The following XYLT1 variants were observed in gnomAD, a reference collection of about 807,000 sequenced individuals.
XYLT1 encodes xylosyltransferase 1, also known as beta-D-xylosyltransferase 1.
In XYLT1, 36 loss-of-function variants were observed where a neutral mutation model predicts 91.3. The observed-to-expected ratio is 0.39, with a 90% CI of 0.30 to 0.52. The LOEUF (loss-of-function observed/expected upper bound fraction) is 0.52, where lower values mean the gene tolerates loss of function less well. XYLT1 is among the 20% of genes least tolerant of loss of function. XYLT1 has a pLI of 0.68. For synonymous variants in XYLT1, 588 were observed against 532.0 expected, an observed-to-expected ratio of 1.11 and a Z score of -1.45; for missense variants, 1,242 against 1,284.5, an observed-to-expected ratio of 0.97 and a Z score of 0.51.
intron 10 of XYLT1, among the ~76,000 whole-genome samples, chr16:17,120,861 G>A (rs1054439259): frequency 1.3e-5 from 2 of 152,078 alleles, no homozygotes; most frequent in Non-Finnish European, 2.9e-5. Context: ...TCTATTGATC[G>A]ATCAATGATC....
intron 2 of XYLT1, among the ~76,000 whole-genome samples, chr16:17,290,404 G>T (rs1005941277): frequency 6.6e-6 from 1 of 152,188 alleles, no homozygotes; most frequent in East Asian, 1.9e-4. Flanking sequence ...CCTCAGTCCC[G>T]GGACCTGGCA....
At chr16:17,141,444 A>G (rs547149496) in intron 6 of XYLT1, 75 bp from the exon 7 acceptor site, 1 of 1,437,058 alleles carries the variant, frequency 7.0e-7, no homozygotes, top group Admixed American at 1.9e-5. Flanking sequence ...CAAATAAAAC[A>G]ACACAATCAT....
intron 5 of XYLT1, among the ~76,000 whole-genome samples, chr16:17,191,194 T>A (rs1251772649): frequency 6.6e-6 from 1 of 152,198 alleles, no homozygotes; most frequent in Non-Finnish European, 1.5e-5. Context: ...CCCTCAGACA[T>A]CCCTGAATTG....
In XYLT1 at chr16:17,259,093, G is replaced by A. The variant is rs758139451; in HGVS notation, c.808C>T (p.Arg270Cys). 1.3e-6 allele frequency: 2 copies of A among 1,551,524 alleles called. No homozygotes were observed. The highest frequency in any genetic ancestry group is 2.0e-5 in the Admixed American group (1 of 49,302). ...SGKEAISALS[R>C]AKSKHCRQEI... The stretch of plus-strand genomic sequence containing the variant: ...TGGCGGCAGTGCTTGGACTTAGCAC[G>A]GGACAGGGCAGAGATGGCCTCCTTG... Residue 270 changes from arginine (R) to cysteine (C), a missense_variant, in exon 3 of 12, where the codon CGT (arginine) becomes TGT (cysteine). Around this residue, in one of 3 missense-constraint regions of XYLT1, gnomAD observed 437 missense variants for 411.5 expected, o/e 1.06. Transcript: ENST00000261381.
intron 5 of XYLT1, among the ~76,000 whole-genome samples, chr16:17,170,465 CG>C (rs1456266877): frequency 6.6e-6 from 1 of 152,164 alleles, no homozygotes; most frequent in Non-Finnish European, 1.5e-5. Flanking sequence ...CTGTAGCCCA[CG>C]GAAACTGCTC....
intron 1 of XYLT1, among the ~76,000 whole-genome samples, chr16:17,429,101 C>T (rs2036356008): frequency 6.6e-6 from 1 of 152,196 alleles, no homozygotes; most frequent in African/African-American, 2.4e-5. Context: ...TCTCACTCTA[C>T]CTCTGCAGGG....
chr16:17,280,566 G>C (rs1020346203), intron 2 of XYLT1, among the ~76,000 whole-genome samples: 1 of 152,122 alleles, frequency 6.6e-6, no homozygotes, highest in African/African-American at 2.4e-5. Flanking sequence ...ATTTTGTTAT[G>C]TTTTATTCAA....
intron 6 of XYLT1, among the ~76,000 whole-genome samples, chr16:17,142,973 C>T (rs372400579): frequency 3.9e-5 from 6 of 152,094 alleles, no homozygotes; most frequent in African/African-American, 1.4e-4. Context: ...CTGAATTTTT[C>T]CCATGAACCC....
chr16:17,350,402 A>G (rs1476236059), intron 2 of XYLT1, among the ~76,000 whole-genome samples: 2 of 152,224 alleles, frequency 1.3e-5, no homozygotes, highest in Non-Finnish European at 2.9e-5. Context: ...CATGGCCAGG[A>G]GATCGCAGAT....
At chr16:17,235,462 C>A (rs755238039) in intron 3 of XYLT1, among the ~76,000 whole-genome samples, 8 of 151,998 alleles carry the variant, frequency 5.3e-5, no homozygotes, top group Admixed American at 1.3e-4. Flanking sequence ...GCTAACCTGG[C>A]CAAAGGTCAC....
At chr16:17,260,688 T>G (rs934296529) in intron 2 of XYLT1, among the ~76,000 whole-genome samples, 2 of 152,252 alleles carry the variant, frequency 1.3e-5, no homozygotes, top group African/African-American at 4.8e-5. Flanking sequence ...TAAAGTTTTA[T>G]TGAAACACAG....
chr16:17,295,324 G>A (rs1261670061), intron 2 of XYLT1, among the ~76,000 whole-genome samples: 1 of 128,500 alleles, frequency 7.8e-6, no homozygotes, highest in Non-Finnish European at 1.6e-5. Context: ...AAGCATTATA[G>A]AGCCAGGTTT....
Position 17,259,510 on chromosome 16 carries a change from G to T in XYLT1, c.403-12C>A. 6.2e-7 allele frequency: 1 copy of T among 1,600,160 alleles called. No homozygotes were observed. Among genetic ancestry groups the T allele is most frequent in the Admixed American group, 1.7e-5 (1 of 59,894 alleles). ...GAAAAGTAGCCATCCTGGAGAAGAG[G>T]GGAGAGAAACAGAAGAGAAACTTGA... is the stretch of plus-strand genomic sequence containing the variant. On this transcript the variant is annotated splice_polypyrimidine_tract_variant and intron_variant, in intron 2 of 11. Transcript: ENST00000261381.
intron 1 of XYLT1, among the ~76,000 whole-genome samples, chr16:17,392,855 TTA>T: frequency 6.6e-6 from 1 of 152,206 alleles, no homozygotes; most frequent in East Asian, 1.9e-4. Flanking sequence ...TCCCTCCACT[TTA>T]TGTTTACTTT....
chr16:17,259,736 G>T (rs2033694349), intron 2 of XYLT1, among the ~76,000 whole-genome samples: 1 of 152,174 alleles, frequency 6.6e-6, no homozygotes, highest in Admixed American at 6.5e-5. Flanking sequence ...AAAGTGCCAT[G>T]ACTACGATTC....
intron 5 of XYLT1, among the ~76,000 whole-genome samples, chr16:17,185,069 C>A (rs1384562336): frequency 6.6e-6 from 1 of 152,176 alleles, no homozygotes; most frequent in Non-Finnish European, 1.5e-5. Context: ...TCTCCGAGAA[C>A]TCTAGGCTCA....
At chr16:17,115,827 AC>A (rs1245754786) in intron 11 of XYLT1, among the ~76,000 whole-genome samples, 1 of 145,266 alleles carries the variant, frequency 6.9e-6, no homozygotes, top group Non-Finnish European at 1.5e-5. Flanking sequence ...AAAAAAAAAG[AC>A]TTTTCCTTGC....
At chr16:17,436,251 T>C (rs570039486) in intron 1 of XYLT1, among the ~76,000 whole-genome samples, 2 of 152,316 alleles carry the variant, frequency 1.3e-5, no homozygotes, top group East Asian at 3.9e-4. Context: ...TATGTCTTTA[T>C]TAGCAGTGTG....
intron 5 of XYLT1, among the ~76,000 whole-genome samples, chr16:17,191,977 G>A (rs1446952789): frequency 6.6e-6 from 1 of 151,968 alleles, no homozygotes; most frequent in Non-Finnish European, 1.5e-5. Context: ...GACTGAATGT[G>A]AACCCCGGGA....
Sources: allele counts gnomAD v4.1 joint callset (sites outside exome capture counted in the v4.1 genomes callset), GRCh38; gene constraint gnomAD v4.1.1; regional missense constraint gnomAD v4.1.1; transcripts MANE v1.5; gene names NCBI Gene and HGNC (gene_info 2026-07-23, HGNC 2026-07-21).